PID1: variants seen among roughly 807,000 people sequenced by gnomAD.
PID1 encodes phosphotyrosine interaction domain containing 1, also known as PTB-containing, cubilin and LRP1-interacting protein.
Under a neutral mutation model 19.1 loss-of-function variants are expected in PID1, and 10 were observed. The ratio of observed to expected loss-of-function variants is 0.52; its 90% CI spans 0.32 to 0.89. The LOEUF (loss-of-function observed/expected upper bound fraction) is 0.89. Among genes scored for constraint, PID1 ranks in the 40% least tolerant of loss-of-function variants. The probability of loss-of-function intolerance (pLI) is 0.03; values close to 1 mark genes in which losing one functional copy is unlikely to be tolerated. For synonymous variants in PID1, 130 were observed against 116.0 expected, an observed-to-expected ratio of 1.12 and a Z score of -0.78; for missense variants, 248 against 285.3, an observed-to-expected ratio of 0.87 and a Z score of 0.94.
chr2:229,234,242 A>C (rs1458314269), intron 1 of PID1, among the ~76,000 whole-genome samples: 2 of 152,234 alleles, frequency 1.3e-5, no homozygotes, highest in Non-Finnish European at 2.9e-5. Context: ...GCTAGACTTC[A>C]GGTATAGGAT....
At chr2:229,229,193 A>G (rs1364673744) in intron 1 of PID1, among the ~76,000 whole-genome samples, 4 of 152,154 alleles carry the variant, frequency 2.6e-5, no homozygotes, top group Non-Finnish European at 5.9e-5. Context: ...GACCGGCAAT[A>G]AAGTCCACCC....
chr2:229,038,572 T>G (rs78926492), intron 2 of PID1, among the ~76,000 whole-genome samples: 1,732 of 152,308 alleles, frequency 0.011, 43 homozygotes, highest in African/African-American at 0.04. Context: ...GTATCATATA[T>G]TTATGTTGTT....
chr2:229,158,523 T>C (rs963931451), intron 1 of PID1, among the ~76,000 whole-genome samples: 1 of 152,104 alleles, frequency 6.6e-6, no homozygotes, highest in Non-Finnish European at 1.5e-5. Context: ...CCTAAAACAG[T>C]TCCTAGCACA....
rs144980880 is a variant in PID1 at position 229,046,906 on chromosome 2, C to A, written c.178-20798G>T. Among the ~76,000 whole-genome samples, 79 of 152,296 alleles carry A rather than the reference C, an allele frequency of 5.2e-4. No homozygotes were observed. The East Asian group carries it at 0.014, about 28-fold the overall frequency. On this transcript the variant is annotated intron_variant, in intron 2 of 2. Coordinates refer to ENST00000392055, the MANE Select transcript of PID1 (RefSeq NM_001100818.2). ...ACATGAACCTTCAATCTCCCAAAAC[C>A]CCCAGCCTGTGCTTATAAAAATTGA...
At chr2:229,095,035 G>A (rs1195206988) in intron 2 of PID1, among the ~76,000 whole-genome samples, 2 of 152,070 alleles carry the variant, frequency 1.3e-5, no homozygotes, top group African/African-American at 2.4e-5. Flanking sequence ...ATAATGATTT[G>A]AGTAATTAAC....
At chr2:229,213,556 A>G (rs1195512182) in intron 1 of PID1, among the ~76,000 whole-genome samples, 1 of 152,210 alleles carries the variant, frequency 6.6e-6, no homozygotes, top group Non-Finnish European at 1.5e-5. Context: ...CCTTGCAAGA[A>G]TAGCAAATTG....
At chr2:229,119,983 T>C (rs936593468) in intron 2 of PID1, among the ~76,000 whole-genome samples, 2 of 152,174 alleles carry the variant, frequency 1.3e-5, no homozygotes, top group Non-Finnish European at 2.9e-5. Flanking sequence ...CTGGCCTTAA[T>C]ACCATCACGT....
chr2:229,182,189 A>G (rs1690960197), intron 1 of PID1, among the ~76,000 whole-genome samples: 1 of 152,264 alleles, frequency 6.6e-6, no homozygotes, highest in Non-Finnish European at 1.5e-5. Context: ...AGTGAACCCT[A>G]ATGTAAACTA....
intron 2 of PID1, among the ~76,000 whole-genome samples, chr2:229,147,257 T>G (rs1381804803): frequency 6.6e-6 from 1 of 152,216 alleles, no homozygotes; most frequent in Non-Finnish European, 1.5e-5. Context: ...TTACAAAATG[T>G]TCCATTTAGA....
rs72386398 is a variant in PID1 at position 229,222,864 on chromosome 2, A to AACAC, written c.30+48146_30+48149dup. ...ATTTTAAAAAGTCTCTTCACACACA[A>AACAC]ACACACACACACACACACACACACA... On this transcript the variant is annotated intron_variant, in intron 1 of 2. Transcript: ENST00000392055. Among the ~76,000 whole-genome samples the AACAC allele has an allele frequency of 3.3e-3, 344 of 103,966 alleles. 4 individuals are homozygous for AACAC. Among genetic ancestry groups the AACAC allele is most frequent in the South Asian group, 0.013 (49 of 3,692 alleles). The allele number at this position is 103,966 out of a possible 152,430, so 68.2% of individuals were successfully genotyped here. A position where few individuals can be genotyped will look rare whatever the true frequency, so the allele number is the denominator to read the frequency against.
At chr2:229,149,557 T>C (rs941535585) in intron 2 of PID1, among the ~76,000 whole-genome samples, 4 of 152,172 alleles carry the variant, frequency 2.6e-5, no homozygotes, top group Non-Finnish European at 5.9e-5. Context: ...AATCAATCTC[T>C]TCCTTCCTGA....
intron 1 of PID1, among the ~76,000 whole-genome samples, chr2:229,157,158 C>G (rs544740650): frequency 4.6e-5 from 7 of 152,204 alleles, no homozygotes; most frequent in Admixed American, 1.3e-4. Flanking sequence ...TGGTTCAATG[C>G]CTTTGGTTTA....
intron 2 of PID1, among the ~76,000 whole-genome samples, chr2:229,097,150 C>T (rs1165783168): frequency 6.6e-6 from 1 of 152,162 alleles, no homozygotes; most frequent in Non-Finnish European, 1.5e-5. Flanking sequence ...GTTCTACTGA[C>T]CTCATGTGTG....
chr2:229,258,633 A>G (rs1690368383), intron 1 of PID1, among the ~76,000 whole-genome samples: 1 of 152,172 alleles, frequency 6.6e-6, no homozygotes. Context: ...GTATAAACCC[A>G]TGAATCCATC....
At chr2:229,222,054 G>C (rs1035281922) in intron 1 of PID1, among the ~76,000 whole-genome samples, 1 of 152,198 alleles carries the variant, frequency 6.6e-6, no homozygotes, top group Non-Finnish European at 1.5e-5. Flanking sequence ...AGCCTTCAGT[G>C]CTGTCAGAAT....
At position 229,175,869 on chromosome 2, in the gene PID1, C is replaced by T. The variant is rs555136340; in HGVS notation, c.31-19905G>A. ...TAAATATCAACCTAAACATAGACTA[C>T]GCAACACTAAGATTCGCAGTTACTA... is the stretch of plus-strand genomic sequence containing the variant. On this transcript the variant is annotated intron_variant, in intron 1 of 2. Coordinates refer to ENST00000392055, the MANE Select transcript of PID1 (RefSeq NM_001100818.2). 4.6e-5 allele frequency among the ~76,000 whole-genome samples: 7 copies of T among 152,252 alleles called. No individual in the cohort carries two copies. The South Asian group carries it at 8.3e-4, about 18-fold the overall frequency.
intron 2 of PID1, among the ~76,000 whole-genome samples, chr2:229,129,269 C>T (rs1689662074): frequency 6.6e-6 from 1 of 152,086 alleles, no homozygotes; most frequent in Non-Finnish European, 1.5e-5. Context: ...AAAAAATTAA[C>T]CGGGCATGGT....
intron 1 of PID1, among the ~76,000 whole-genome samples, chr2:229,160,969 G>A (rs1328547015): frequency 6.6e-6 from 1 of 152,196 alleles, no homozygotes; most frequent in African/African-American, 2.4e-5. Context: ...CTTCCTTGGG[G>A]AAGCTTCTCC....
chr2:229,068,917 G>A (rs1013007921), intron 2 of PID1, among the ~76,000 whole-genome samples: 3 of 152,080 alleles, frequency 2.0e-5, no homozygotes, highest in East Asian at 3.9e-4. Context: ...CACTTTCCAC[G>A]ATGTGGTGCA....
Sources: gnomAD v4.1 joint callset for allele counts (sites outside exome capture counted in the v4.1 genomes callset) on GRCh38, gnomAD v4.1.1 for gene constraint, MANE v1.5 for transcripts, NCBI Gene and HGNC (gene_info 2026-07-23, HGNC 2026-07-21) for gene names.